The following RPS6KA3 variants were observed in gnomAD, a reference collection of about 807,000 sequenced individuals.
RPS6KA3 encodes the protein ribosomal protein S6 kinase alpha-3.
RPS6KA3 carries 4 observed loss-of-function variants against 67.2 expected under a neutral mutation model. The observed-to-expected ratio is 0.06, with a 90% CI of 0.03 to 0.14. The LOEUF is 0.14. RPS6KA3 is among the 10% of genes least tolerant of loss of function. The pLI is 1.00. For synonymous variants in RPS6KA3, 182 were observed against 183.7 expected (o/e 0.99, Z 0.07); for missense variants, 204 against 559.0 (o/e 0.36, Z 6.40).
At chrX:20,245,740 C>T (rs2069668681) in intron 1 of RPS6KA3, among the ~76,000 whole-genome samples, 3 of 111,516 alleles carry the variant, frequency 2.7e-5, no homozygotes, top group Non-Finnish European at 5.7e-5. Context: ...CCTATCTCAG[C>T]CCAACACTGA....
chrX:20,172,510 AG>A (rs1382568394), intron 15 of RPS6KA3, among the ~76,000 whole-genome samples: 1 of 111,747 alleles, frequency 8.9e-6, no homozygotes, highest in Non-Finnish European at 1.9e-5. Flanking sequence ...AGGTAAAAAA[AG>A]AAAAAAAATC....
chrX:20,180,576 A>G (rs2148671446), intron 10 of RPS6KA3, among the ~76,000 whole-genome samples: 1 of 111,652 alleles, frequency 9.0e-6, no homozygotes, highest in South Asian at 3.8e-4. Context: ...TCTGAAAATT[A>G]GCCAAACAGG....
At chrX:20,250,601 T>C (rs1276722841) in intron 1 of RPS6KA3, among the ~76,000 whole-genome samples, 3 of 112,394 alleles carry the variant, frequency 2.7e-5, no homozygotes, top group South Asian at 3.7e-4. Flanking sequence ...TAAGCCATTT[T>C]ATGATCAAGA....
chrX:20,247,693 A>T (rs970224155), intron 1 of RPS6KA3, among the ~76,000 whole-genome samples: 5 of 108,351 alleles, frequency 4.6e-5, no homozygotes, highest in Middle Eastern at 9.5e-3. Context: ...AGGCTGAGGT[A>T]GGAGAATGGC....
intron 18 of RPS6KA3, among the ~76,000 whole-genome samples, chrX:20,163,476 C>CA (rs762998549): frequency 9.3e-6 from 1 of 107,468 alleles, no homozygotes; most frequent in Admixed American, 1.0e-4. Flanking sequence ...ATTTCCCCCC[C>CA]AAAAAAAAAT....
intron 2 of RPS6KA3, among the ~76,000 whole-genome samples, chrX:20,222,805 C>T (rs1055169469): frequency 9.0e-6 from 1 of 111,645 alleles, no homozygotes; most frequent in Admixed American, 9.5e-5. Context: ...CTAATTTATG[C>T]CCCTACCTCA....
intron 2 of RPS6KA3, among the ~76,000 whole-genome samples, chrX:20,226,740 A>G (rs1310876659): frequency 8.9e-6 from 1 of 111,765 alleles, no homozygotes; most frequent in Non-Finnish European, 1.9e-5. Context: ...TGCTCTTGGT[A>G]CCCTTTCAGT....
At chrX:20,233,229 G>A (rs1054927544) in intron 2 of RPS6KA3, among the ~76,000 whole-genome samples, 1 of 111,875 alleles carries the variant, frequency 8.9e-6, no homozygotes, top group African/African-American at 3.3e-5. Context: ...CTAGTGTTGA[G>A]TAGGCAATAC....
Position 20,178,481 on chromosome X carries a change from GTTTTT to G in RPS6KA3, c.846-1402_846-1398del, listed in dbSNP as rs59662504. ...TGAGAAATCTAGAGCAAACAAATCA[GTTTTT>G]TTTTTTTTTTTTTTTAAGACAGAGT... On this transcript the variant is annotated intron_variant, in intron 10 of 21. Transcript: ENST00000379565. Among the ~76,000 whole-genome samples the G allele has an allele frequency of 1.6e-3, 137 of 84,394 alleles. 1 individual carries two copies. Among genetic ancestry groups the G allele is most frequent in the African/African-American group, 5.9e-3 (131 of 22,162 alleles). The allele number at this position is 84,394 out of a possible 115,157, so 73.3% of individuals were successfully genotyped here.
At chrX:20,255,789 C>CAAAAAAAAA (rs766544803) in intron 1 of RPS6KA3, among the ~76,000 whole-genome samples, 1 of 17,146 alleles carries the variant, frequency 5.8e-5, no homozygotes, top group Non-Finnish European at 8.7e-5. Context: ...AATTTCGTCT[C>CAAAAAAAAA]AAAAAAAAAA....
intron 2 of RPS6KA3, among the ~76,000 whole-genome samples, chrX:20,228,304 G>A (rs913505884): frequency 1.8e-5 from 2 of 111,902 alleles, no homozygotes; most frequent in African/African-American, 3.2e-5. Flanking sequence ...TCAACTGGGA[G>A]GCTTTCTTAT....
chrX:20,216,950 A>G, intron 2 of RPS6KA3, among the ~76,000 whole-genome samples: 1 of 112,267 alleles, frequency 8.9e-6, no homozygotes. Flanking sequence ...GTATTGTACT[A>G]GGTGTTAGAG....
Position 20,266,737 on chromosome X carries a change from C to T in RPS6KA3, c.-105G>A, listed in dbSNP as rs1354609847. 26 of 337,765 alleles carry T rather than the reference C, an allele frequency of 7.7e-5. No individual in the cohort carries two copies. The highest frequency in any genetic ancestry group is 8.9e-5 in the Non-Finnish European group (26 of 293,698). 27.8% of individuals were successfully genotyped at this position (337,765 alleles called of 1,213,427 possible). The stretch of plus-strand genomic sequence containing the variant: ...AGCCCCACGGCAGCGGCGGCGGCGG[C>T]GGCGGCGGCGGCAGCGGCAGCGGCA... On this transcript the variant is annotated 5_prime_UTR_variant, in exon 1 of 22. Transcript: ENST00000379565.
At chrX:20,261,874 G>A (rs2070240629) in intron 1 of RPS6KA3, among the ~76,000 whole-genome samples, 1 of 112,252 alleles carries the variant, frequency 8.9e-6, no homozygotes, top group African/African-American at 3.2e-5. Flanking sequence ...AGAACACACT[G>A]ATGGGAGTGG....
intron 1 of RPS6KA3, among the ~76,000 whole-genome samples, chrX:20,261,379 A>G (rs2070224783): frequency 8.9e-6 from 1 of 112,385 alleles, no homozygotes; most frequent in African/African-American, 3.2e-5. Context: ...TACACATTCT[A>G]TGCATGGAAC....
At chrX:20,180,715 A>T (rs1356050920) in intron 10 of RPS6KA3, among the ~76,000 whole-genome samples, 1 of 111,936 alleles carries the variant, frequency 8.9e-6, no homozygotes, top group African/African-American at 3.2e-5. Context: ...CTTGAGCTCC[A>T]CCCTTCCTCA....
chrX:20,235,841 G>C (rs1271408261), intron 1 of RPS6KA3, among the ~76,000 whole-genome samples: 1 of 111,305 alleles, frequency 9.0e-6, no homozygotes, highest in Admixed American at 9.5e-5. Context: ...AAGTAGACAA[G>C]TGTACAAAGA....
chrX:20,194,027 G>A, intron 6 of RPS6KA3, among the ~76,000 whole-genome samples, 162 bp downstream of exon 6: 1 of 112,442 alleles, frequency 8.9e-6, no homozygotes, highest in East Asian at 2.7e-4. Flanking sequence ...CCTGCTTTCA[G>A]AATAAATTCA....
intron 2 of RPS6KA3, among the ~76,000 whole-genome samples, chrX:20,218,381 G>A (rs758717235): frequency 9.1e-4 from 102 of 111,656 alleles, no homozygotes; most frequent in African/African-American, 3.3e-3. Context: ...GTTATTGACT[G>A]CTTAAAATAA....
Sources: allele counts gnomAD v4.1 joint callset (sites outside exome capture counted in the v4.1 genomes callset), GRCh38; gene constraint gnomAD v4.1.1; transcripts MANE v1.5; gene names NCBI Gene and HGNC (gene_info 2026-07-23, HGNC 2026-07-21).